CSMD1: variants seen among roughly 807,000 people sequenced by gnomAD.
CSMD1 encodes CUB and sushi domain-containing protein 1.
A neutral mutation model predicts 417.5 loss-of-function variants in CSMD1; 213 were observed. The observed-to-expected ratio is 0.51, with a 90% confidence interval of 0.46 to 0.57. The LOEUF is 0.57. Among genes scored for constraint, CSMD1 ranks in the 20% least tolerant of loss-of-function variants. The pLI is 0.00. For synonymous variants in CSMD1, 2,862 were observed against 1,736.8 expected, an observed-to-expected ratio of 1.65 and a Z score of -16.11; for missense variants, 6,923 against 4,529.7, an observed-to-expected ratio of 1.53 and a Z score of -15.17.
intron 7 of CSMD1, among the ~76,000 whole-genome samples, chr8:3,687,797 C>T (rs951416210): frequency 3.9e-5 from 6 of 152,176 alleles, no homozygotes; most frequent in African/African-American, 1.2e-4. Flanking sequence ...GATCTTTGCT[C>T]CACTTAAGTC....
intron 3 of CSMD1, among the ~76,000 whole-genome samples, chr8:4,226,091 CACA>C (rs1801338843): frequency 6.6e-6 from 1 of 151,604 alleles, no homozygotes; most frequent in Admixed American, 6.6e-5. Flanking sequence ...CACACACACA[CACA>C]CACACACACA....
rs757120894 is a variant in CSMD1, at chr8:4,170,718, G to C, written c.416-138619C>G. ...AAGTAAACTGATATAGCTAGCATGT[G>C]GATTTTTTTTTTTCTAAATTAATAC... is the stretch of plus-strand genomic sequence containing the variant. On this transcript the variant is annotated intron_variant, in intron 3 of 69. Transcript: ENST00000635120. Among the ~76,000 whole-genome samples, 5 of 151,372 alleles carry C rather than the reference G, an allele frequency of 3.3e-5. 1 individual carries two copies. The highest frequency in any genetic ancestry group is 7.4e-5 in the Non-Finnish European group (5 of 67,974).
intron 5 of CSMD1, among the ~76,000 whole-genome samples, chr8:3,834,167 T>G (rs1802534171): frequency 6.6e-6 from 1 of 152,184 alleles, no homozygotes; most frequent in South Asian, 2.1e-4. Context: ...ATATACCTAT[T>G]TTTTACCTAT....
intron 6 of CSMD1, among the ~76,000 whole-genome samples, chr8:3,727,966 G>T (rs376026544): frequency 2.6e-5 from 4 of 152,130 alleles, no homozygotes; most frequent in Admixed American, 2.0e-4. Context: ...AGTTTAATGG[G>T]TGCAGACTTT....
Position 3,188,874 on chromosome 8 carries a change from T to C in CSMD1, c.5523+13A>G, listed in dbSNP as rs1368374429. On this transcript the variant is annotated intron_variant, in intron 35 of 69. Transcript: ENST00000635120. ...CTGAGCCCTGTTGTAGACTGTGGAC[T>C]TCAAGGACTCACCTGAATTCCCGAG... is the stretch of plus-strand genomic sequence containing the variant. The C allele has an allele frequency of 6.4e-7, 1 of 1,551,874 alleles. No homozygotes were observed. Among genetic ancestry groups the C allele is most frequent in the South Asian group, 1.2e-5 (1 of 83,408 alleles).
Position 4,993,717 on chromosome 8 carries a change from TC to T in CSMD1, c.85+614del, listed in dbSNP as rs1406939676. Among the ~76,000 whole-genome samples the T allele has an allele frequency of 2.6e-5, 4 of 152,082 alleles. No individual in the cohort carries two copies. The South Asian group carries it at 8.3e-4, about 32-fold the overall frequency. On this transcript the variant is annotated intron_variant, in intron 1 of 69. Coordinates refer to ENST00000635120, the MANE Select transcript of CSMD1 (RefSeq NM_033225.6). Reference sequence around the variant, plus strand: ...ACCTTACAACTTGCAAGGAGCGAAGTCCGGGGGAGAGGAAAGCGGGGGCGAC... The same window carrying T: ...ACCTTACAACTTGCAAGGAGCGAAGTCGGGGGAGAGGAAAGCGGGGGCGAC...
At chr8:4,945,012 G>A (rs1277235121) in intron 1 of CSMD1, among the ~76,000 whole-genome samples, 1 of 152,072 alleles carries the variant, frequency 6.6e-6, no homozygotes, top group African/African-American at 2.4e-5. Context: ...CGTGTCCCTT[G>A]GCAGATGAAT....
intron 6 of CSMD1, among the ~76,000 whole-genome samples, chr8:3,723,599 T>A (rs1170950581): frequency 6.6e-6 from 1 of 152,150 alleles, no homozygotes; most frequent in South Asian, 2.1e-4. Context: ...ATGATGAAAT[T>A]CGGGTTTTCA....
At chr8:3,454,213 C>T (rs1005950957) in intron 12 of CSMD1, among the ~76,000 whole-genome samples, 7 of 152,094 alleles carry the variant, frequency 4.6e-5, no homozygotes, top group South Asian at 2.1e-4. Flanking sequence ...TGTCTCTGCA[C>T]GTTAGATGGG....
intron 1 of CSMD1, among the ~76,000 whole-genome samples, chr8:4,979,926 T>A (rs1810786250): frequency 6.6e-6 from 1 of 152,024 alleles, no homozygotes; most frequent in Non-Finnish European, 1.5e-5. Context: ...TACTCCCAGC[T>A]ACTGGGGAGG....
intron 3 of CSMD1, among the ~76,000 whole-genome samples, chr8:4,166,465 T>G (rs1314173003): frequency 3.3e-5 from 5 of 152,098 alleles, no homozygotes; most frequent in Non-Finnish European, 4.4e-5. Context: ...GCAACCTGGA[T>G]GAAGTTGGAG....
At chr8:3,216,917 G>A (rs999257902) in intron 29 of CSMD1, among the ~76,000 whole-genome samples, 11 of 152,218 alleles carry the variant, frequency 7.2e-5, no homozygotes, top group Admixed American at 7.2e-4. Flanking sequence ...TGGGCTGCAT[G>A]CAATACAATG....
At chr8:3,600,842 G>C (rs9694325) in intron 8 of CSMD1, among the ~76,000 whole-genome samples, 2 of 151,946 alleles carry the variant, frequency 1.3e-5, no homozygotes, top group African/African-American at 2.4e-5. Context: ...TGCATGTTTT[G>C]CAATATTGCA....
intron 2 of CSMD1, among the ~76,000 whole-genome samples, chr8:4,491,953 A>T (rs1278992347): frequency 1.3e-5 from 2 of 152,136 alleles, no homozygotes; most frequent in African/African-American, 4.8e-5. Flanking sequence ...AATTGCCAAA[A>T]ATTGGAAGTA....
At chr8:3,532,660 C>T (rs1287115356) in intron 10 of CSMD1, among the ~76,000 whole-genome samples, 1 of 152,120 alleles carries the variant, frequency 6.6e-6, no homozygotes, top group Non-Finnish European at 1.5e-5. Context: ...AACTGATCTG[C>T]AATTATAATT....
chr8:4,202,485 A>C (rs1799717048), intron 3 of CSMD1, among the ~76,000 whole-genome samples: 3 of 152,268 alleles, frequency 2.0e-5, no homozygotes. Context: ...GTTTTAAACT[A>C]GGTCTTCAAT....
intron 3 of CSMD1, among the ~76,000 whole-genome samples, chr8:4,264,831 A>G (rs919199859): frequency 6.6e-6 from 1 of 152,196 alleles, no homozygotes; most frequent in Non-Finnish European, 1.5e-5. Context: ...CAATAAACTA[A>G]GGATAATTTC....
At position 3,397,168 on chromosome 8, in the gene CSMD1, C is replaced by G. The variant is rs572971182; in HGVS notation, c.2406-787G>C. Among the ~76,000 whole-genome samples, 17 of 152,298 alleles carry G rather than the reference C, an allele frequency of 1.1e-4. No individual in the cohort carries two copies. In the East Asian group the frequency reaches 3.3e-3, roughly 29 times the overall value. On this transcript the variant is annotated intron_variant, in intron 16 of 69. Coordinates refer to ENST00000635120, the MANE Select transcript of CSMD1 (RefSeq NM_033225.6). ...GTGGGCCTATCTGATCCTCGAAGAGCTAACCCGGTTTCTGAGTGCCTGACT... is the reference window on the plus strand; with the variant it reads ...GTGGGCCTATCTGATCCTCGAAGAGGTAACCCGGTTTCTGAGTGCCTGACT...
At chr8:4,473,765 C>G (rs923907859) in intron 2 of CSMD1, among the ~76,000 whole-genome samples, 2 of 152,068 alleles carry the variant, frequency 1.3e-5, no homozygotes, top group African/African-American at 4.8e-5. Flanking sequence ...AACCAAATGG[C>G]TTTGGGTTTT....
Sources: gnomAD v4.1 joint callset for allele counts (sites outside exome capture counted in the v4.1 genomes callset) on GRCh38, gnomAD v4.1.1 for gene constraint, MANE v1.5 for transcripts, NCBI Gene and HGNC (gene_info 2026-07-23, HGNC 2026-07-21) for gene names.